TACC1: variants seen among roughly 807,000 people sequenced by gnomAD.
TACC1 encodes transforming acidic coiled-coil-containing protein 1.
A neutral mutation model predicts 84.4 loss-of-function variants in TACC1; 48 were observed. The ratio of observed to expected loss-of-function variants is 0.57; its 90% CI spans 0.45 to 0.72. The LOEUF is 0.72. Ranked by LOEUF, TACC1 falls within the 30% of genes least tolerant of loss-of-function variation. The probability of loss-of-function intolerance (pLI) is 0.00; values close to 1 mark genes in which losing one functional copy is unlikely to be tolerated. For synonymous variants in TACC1, 372 were observed against 376.3 expected, an observed-to-expected ratio of 0.99 and a Z score of 0.13; for missense variants, 920 against 973.0, an observed-to-expected ratio of 0.95 and a Z score of 0.72.
chr8:38,787,960 A>T (rs1817681584), intron 1 of TACC1: 1 of 523,484 alleles, frequency 1.9e-6, no homozygotes, highest in Non-Finnish European at 3.3e-6. Flanking sequence ...AGAGTTCCGC[A>T]CCCAACCCAG....
chr8:38,757,314 C>G (rs1374035230), intron 3 of TACC1: 2 of 1,266,294 alleles, frequency 1.6e-6, no homozygotes, highest in Non-Finnish European at 2.0e-6. Flanking sequence ...GGTGCAGCCC[C>G]GGCCCCAAGT....
chr8:38,784,901 G>A (rs1476342947), upstream of TACC1, among the ~76,000 whole-genome samples: 3 of 152,146 alleles, frequency 2.0e-5, no homozygotes, highest in African/African-American at 7.2e-5. Flanking sequence ...GTGTAGAATG[G>A]CCTTACATCC....
upstream of TACC1, among the ~76,000 whole-genome samples, chr8:38,783,710 G>A (rs748121896): frequency 6.6e-6 from 1 of 152,128 alleles, no homozygotes; most frequent in Non-Finnish European, 1.5e-5. Context: ...ATGAGCCACC[G>A]CACCCAGCCT....
At chr8:38,802,067 G>A (rs944562205) in intron 2 of TACC1, 3 of 152,170 alleles carry the variant, frequency 2.0e-5, no homozygotes, top group African/African-American at 4.8e-5. Flanking sequence ...ATGCCACCAC[G>A]ACCGGGTAAT....
intron 3 of TACC1, among the ~76,000 whole-genome samples, chr8:38,758,268 G>A (rs1455007852): frequency 6.6e-6 from 1 of 152,158 alleles, no homozygotes; most frequent in East Asian, 1.9e-4. Context: ...CCGCGGGAGG[G>A]CTTTTGAATC....
rs770498720 is a variant in TACC1, at chr8:38,742,414, A to G, written c.-611A>G. 12 of 1,528,560 alleles carry G rather than the reference A, an allele frequency of 7.9e-6. No homozygotes were observed. In the South Asian group the frequency reaches 1.2e-4, roughly 15 times the overall value. The allele number at this position is 1,528,560 out of a possible 1,614,324, so 94.7% of individuals were successfully genotyped here. On this transcript the variant is annotated 5_prime_UTR_variant, in exon 2 of 15. Coordinates refer to the TACC1 transcript ENST00000518415. ...GATTGCTGGCATGTTTACTCTTCCAAGTACACTGAGATCAAATGCAAAGAC... is the reference window on the plus strand; with the variant it reads ...GATTGCTGGCATGTTTACTCTTCCAGGTACACTGAGATCAAATGCAAAGAC...
intron 6 of TACC1, among the ~76,000 whole-genome samples, chr8:38,835,115 G>C (rs141606182): frequency 6.6e-6 from 1 of 151,950 alleles, no homozygotes; most frequent in Admixed American, 6.5e-5. Context: ...TTAGCCGGGC[G>C]TGGTGGCGGG....
At chr8:38,751,787 G>T (rs139861729) in intron 3 of TACC1, among the ~76,000 whole-genome samples, 68 of 151,822 alleles carry the variant, frequency 4.5e-4, no homozygotes, top group Admixed American at 2.9e-3. Context: ...CTTTATTGCA[G>T]TGGTGTGCAA....
At position 38,850,534 on chromosome 8, in the gene TACC1, G is replaced by A. The variant is rs560978525; in HGVS notation, c.*2511G>A. ...GGGCCGGGCACAGTGGCTTATTCCT[G>A]TAATCCCAACACTGTGGAAGGCCGA... On this transcript the variant is annotated 3_prime_UTR_variant, in exon 13 of 13. Coordinates refer to ENST00000317827, the MANE Select transcript of TACC1 (RefSeq NM_006283.3). 1 of 152,248 alleles carries A rather than the reference G, an allele frequency of 6.6e-6. No homozygotes were observed. The highest frequency in any genetic ancestry group is 2.4e-5 in the African/African-American group (1 of 41,526). 9.4% of individuals were successfully genotyped at this position (152,248 alleles called of 1,614,324 possible).
chr8:38,730,406 G>T, intron 1 of TACC1, among the ~76,000 whole-genome samples: 1 of 152,210 alleles, frequency 6.6e-6, no homozygotes, highest in Non-Finnish European at 1.5e-5. Flanking sequence ...TGTGCTCACG[G>T]TTATGAACTA....
intron 5 of TACC1, among the ~76,000 whole-genome samples, chr8:38,828,639 TTG>T (rs1258886325): frequency 3.9e-5 from 6 of 152,146 alleles, no homozygotes; most frequent in Non-Finnish European, 5.9e-5. Context: ...AGGACCCCTC[TTG>T]TAATGAGGTC....
At chr8:38,842,677 C>CT (rs1306621412) in intron 10 of TACC1, among the ~76,000 whole-genome samples, 3 of 152,230 alleles carry the variant, frequency 2.0e-5, no homozygotes, top group African/African-American at 7.2e-5. Flanking sequence ...GGCCATTCCT[C>CT]TCCTGTGTCA....
chr8:38,834,309 C>A (rs1024637342), intron 6 of TACC1, among the ~76,000 whole-genome samples: 3 of 152,228 alleles, frequency 2.0e-5, no homozygotes, highest in African/African-American at 4.8e-5. Context: ...GTGGGCCTTT[C>A]CCTGTAGCTT....
intron 6 of TACC1, 142 bp from the exon 7 acceptor site, chr8:38,836,020 T>A (rs996570870): frequency 8.8e-7 from 1 of 1,135,174 alleles, no homozygotes; most frequent in African/African-American, 1.6e-5. Context: ...GATTTGTTTT[T>A]TAAAAAGCTT....
intron 2 of TACC1, among the ~76,000 whole-genome samples, chr8:38,790,558 G>A (rs1444075566): frequency 6.6e-6 from 1 of 152,184 alleles, no homozygotes. Context: ...TGAAGTGGCA[G>A]CGCCAGCTTT....
At chr8:38,837,775 C>T (rs1418307926) in intron 7 of TACC1, among the ~76,000 whole-genome samples, 1 of 152,172 alleles carries the variant, frequency 6.6e-6, no homozygotes, top group Non-Finnish European at 1.5e-5. Context: ...GCGGCACGGC[C>T]AGGGAAGTAC....
chr8:38,768,371 G>A (rs1812688225), intron 3 of TACC1, among the ~76,000 whole-genome samples: 1 of 152,184 alleles, frequency 6.6e-6, no homozygotes, highest in African/African-American at 2.4e-5. Context: ...ATGCAGAGGG[G>A]ACTCATTGTG....
chr8:38,831,160 G>C lies in TACC1; in HGVS notation c.1696G>C (p.Asp566His). The C allele has an allele frequency of 6.2e-7, 1 of 1,614,242 alleles. No homozygotes were observed. The highest frequency in any genetic ancestry group is 8.5e-7 in the Non-Finnish European group (1 of 1,180,032). The change falls in exon 6 of 13, where the codon GAC (aspartate) becomes CAC (histidine). Residue 566 changes from aspartate to histidine, a missense_variant. Coordinates refer to ENST00000317827, the MANE Select transcript of TACC1 (RefSeq NM_006283.3). ...GGAGACGTGCCAGAAGATGGAAGAAGACGGGTCCACTGTGCTTGTAAGTTC... is the reference window on the plus strand; with the variant it reads ...GGAGACGTGCCAGAAGATGGAAGAACACGGGTCCACTGTGCTTGTAAGTTC... ...EKETCQKMEE[D>H]GSTVLGLLES...
rs768385872 is a variant in TACC1, at chr8:38,846,746, G to T, written c.2276G>T (p.Ser759Ile). Residue 759 changes from serine (S) to isoleucine (I), a missense_variant, in exon 12 of 13, where the codon AGT becomes ATT. Ser to Ile is a moderately radical substitution (Grantham distance 142, BLOSUM62 -2). This residue lies in a region of TACC1 where 158 missense variants were observed against 225.6 expected (regional missense o/e 0.70). Transcript: ENST00000317827. ...GTTCGAACAAAAGCAAAGGCTGAGA[G>T]TGCAGCTCTCCATGCTGGACTCCGC... ...AQVRTKAKAE[S>I]AALHAGLRKE... The T allele has an allele frequency of 3.7e-6, 6 of 1,614,048 alleles. No homozygotes were observed. Among genetic ancestry groups the T allele is most frequent in the Admixed American group, 1.7e-5 (1 of 60,006 alleles).
Sources: gnomAD v4.1 joint callset for allele counts (sites outside exome capture counted in the v4.1 genomes callset) on GRCh38, gnomAD v4.1.1 for gene constraint, gnomAD v4.1.1 regional missense constraint, MANE v1.5 for transcripts, NCBI Gene and HGNC (gene_info 2026-07-23, HGNC 2026-07-21) for gene names.